The following IL1RAP variants were observed in gnomAD, a reference collection of about 807,000 sequenced individuals.
The protein encoded by IL1RAP is interleukin 1 receptor accessory protein, also known as interleukin-1 receptor accessory protein.
Under a neutral mutation model 60.7 loss-of-function variants are expected in IL1RAP, and 35 were observed. The observed-to-expected ratio is 0.58, with a 90% CI of 0.44 to 0.76. The LOEUF (loss-of-function observed/expected upper bound fraction) is 0.76. Among genes scored for constraint, IL1RAP ranks in the 30% least tolerant of loss-of-function variants. The pLI is 0.00. For missense variants in IL1RAP, 572 were observed against 693.9 expected, an observed-to-expected ratio of 0.82 and a Z score of 1.97; for synonymous variants, 268 against 250.9, an observed-to-expected ratio of 1.07 and a Z score of -0.64.
At chr3:190,541,375 AAG>A (rs1221111428) in intron 1 of IL1RAP, among the ~76,000 whole-genome samples, 3 of 152,176 alleles carry the variant, frequency 2.0e-5, no homozygotes, top group African/African-American at 7.2e-5. Flanking sequence ...GAGAAAAAGA[AAG>A]AAGGTGAAGA....
chr3:190,578,789 C>T (rs1303180115), intron 3 of IL1RAP, among the ~76,000 whole-genome samples: 1 of 152,170 alleles, frequency 6.6e-6, no homozygotes, highest in East Asian at 1.9e-4. Context: ...AAAGGAGGAG[C>T]AAAGGCATGT....
At chr3:190,633,564 C>T (rs1368644706) in intron 9 of IL1RAP, among the ~76,000 whole-genome samples, 1 of 152,004 alleles carries the variant, frequency 6.6e-6, no homozygotes, top group African/African-American at 2.4e-5. Context: ...TCCATGTTGG[C>T]CAGGCTTGTC....
rs1329063929 is a variant in IL1RAP at position 190,634,712 on chromosome 3, T to TTTTTTG, written c.1051+5219_1051+5220insGTTTTT. 3.2e-3 allele frequency among the ~76,000 whole-genome samples: 450 copies of TTTTTTG among 142,802 alleles called. 11 individuals carry two copies. The highest frequency in any genetic ancestry group is 0.012 in the African/African-American group (409 of 34,624). The allele number at this position is 142,802 out of a possible 152,430, so 93.7% of individuals were successfully genotyped here. ...TAACTATCTGGGCCTGTTGTGTTTT[T>TTTTTTG]TTTTTTGTTGTTGTTTTTTTTGAGA... is the stretch of plus-strand genomic sequence containing the variant. On this transcript the variant is annotated intron_variant, in intron 9 of 11. Transcript: ENST00000447382.
intron 4 of IL1RAP, among the ~76,000 whole-genome samples, chr3:190,605,468 C>T (rs1318703034): frequency 1.3e-5 from 2 of 152,288 alleles, no homozygotes; most frequent in Non-Finnish European, 2.9e-5. Flanking sequence ...CCAGGCTTGC[C>T]TTTGTTTTCT....
At chr3:190,600,671 T>A (rs1729778032) in intron 3 of IL1RAP, among the ~76,000 whole-genome samples, 1 of 152,190 alleles carries the variant, frequency 6.6e-6, no homozygotes, top group South Asian at 2.1e-4. Context: ...CTACATCTTC[T>A]TGGTCAAAGT....
intron 3 of IL1RAP, among the ~76,000 whole-genome samples, chr3:190,582,564 C>T (rs371942996): frequency 1.7e-4 from 26 of 152,182 alleles, no homozygotes; most frequent in East Asian, 9.7e-4. Flanking sequence ...GTGATCCACC[C>T]GCCTCGGCCT....
intron 9 of IL1RAP, among the ~76,000 whole-genome samples, chr3:190,637,782 T>A (rs183534123): frequency 3.3e-5 from 5 of 152,138 alleles, no homozygotes; most frequent in Non-Finnish European, 7.4e-5. Context: ...TACCCCCACC[T>A]TCCCCACCTC....
chr3:190,641,728 A>AC (rs1459918774), intron 9 of IL1RAP, among the ~76,000 whole-genome samples: 1 of 152,124 alleles, frequency 6.6e-6, no homozygotes, highest in Non-Finnish European at 1.5e-5. Context: ...AACAACCTCC[A>AC]CCCCCATTAC....
intron 5 of IL1RAP, among the ~76,000 whole-genome samples, chr3:190,619,863 T>A (rs1731617060): frequency 6.6e-6 from 1 of 151,398 alleles, no homozygotes; most frequent in African/African-American, 2.4e-5. Flanking sequence ...GTGACTGGAG[T>A]CCCAAATTAA....
chr3:190,524,717 C>T, intron 1 of IL1RAP, among the ~76,000 whole-genome samples: 1 of 151,846 alleles, frequency 6.6e-6, no homozygotes, highest in East Asian at 1.9e-4. Context: ...AGCAAATGGC[C>T]AATAAGGAGG....
At chr3:190,554,993 G>A (rs913940109) in intron 1 of IL1RAP, among the ~76,000 whole-genome samples, 1 of 152,106 alleles carries the variant, frequency 6.6e-6, no homozygotes, top group Non-Finnish European at 1.5e-5. Flanking sequence ...CTTTCTAACA[G>A]CTTGTAGAAA....
intron 2 of IL1RAP, among the ~76,000 whole-genome samples, chr3:190,562,663 C>T (rs1243451081): frequency 1.3e-5 from 2 of 150,986 alleles, no homozygotes; most frequent in Admixed American, 6.6e-5. Context: ...GCTTATTTCA[C>T]ATTGCTTGCC....
At chr3:190,642,723 C>A (rs1027449463) in intron 9 of IL1RAP, among the ~76,000 whole-genome samples, 6 of 152,100 alleles carry the variant, frequency 3.9e-5, no homozygotes, top group East Asian at 1.9e-4. Context: ...TGATTTATTT[C>A]TTTACATATT....
chr3:190,655,992 T>C (rs1167153612), downstream of IL1RAP: 3 of 1,537,212 alleles, frequency 2.0e-6, no homozygotes, highest in Admixed American at 5.9e-5. Flanking sequence ...TGCTGGAGTT[T>C]AAACTGGGTG....
chr3:190,610,491 G>C (rs968500018), intron 5 of IL1RAP, among the ~76,000 whole-genome samples: 13 of 151,504 alleles, frequency 8.6e-5, no homozygotes, highest in Admixed American at 5.3e-4. Context: ...ATTAGTAGAA[G>C]GTGAAAGGGA....
chr3:190,605,365 AAAC>A (rs1730227968), intron 4 of IL1RAP, among the ~76,000 whole-genome samples: 1 of 152,156 alleles, frequency 6.6e-6, no homozygotes, highest in Admixed American at 6.5e-5. Flanking sequence ...AAAACAAAAC[AAAC>A]AACTTCTAAA....
intron 3 of IL1RAP, among the ~76,000 whole-genome samples, chr3:190,575,422 G>A (rs545093641): frequency 6.6e-6 from 1 of 152,120 alleles, no homozygotes; most frequent in African/African-American, 2.4e-5. Context: ...TTTATAAGAA[G>A]TTCTCTATAG....
rs1260052084 is a variant in IL1RAP at position 190,573,388 on chromosome 3, A to G, written c.64+9035A>G. 2.0e-5 allele frequency among the ~76,000 whole-genome samples: 3 copies of G among 152,222 alleles called. No homozygotes were observed. The East Asian group carries it at 5.8e-4, about 29-fold the overall frequency. ...AGTAGCAGTGTATTTCTTGAGGCACAGTAGAAACCCAACCAATCTATATTC... is the reference window on the plus strand; with the variant it reads ...AGTAGCAGTGTATTTCTTGAGGCACGGTAGAAACCCAACCAATCTATATTC... On this transcript the variant is annotated intron_variant, in intron 3 of 11. Coordinates refer to ENST00000447382, the MANE Select transcript of IL1RAP (RefSeq NM_002182.4).
At chr3:190,619,856 A>T (rs116828914) in intron 5 of IL1RAP, among the ~76,000 whole-genome samples, 1,965 of 152,322 alleles carry the variant, frequency 0.013, 39 homozygotes, top group Middle Eastern at 0.041. Flanking sequence ...AGACGGAGTG[A>T]CTGGAGTCCC....
Sources: allele counts gnomAD v4.1 joint callset (sites outside exome capture counted in the v4.1 genomes callset), GRCh38; gene constraint gnomAD v4.1.1; transcripts MANE v1.5; gene names NCBI Gene and HGNC (gene_info 2026-07-23, HGNC 2026-07-21).